PPP1R9A: variants seen among roughly 807,000 people sequenced by gnomAD.
PPP1R9A encodes the protein neurabin-1.
PPP1R9A carries 59 observed loss-of-function variants against 141.9 expected under a neutral mutation model. The ratio of observed to expected loss-of-function variants is 0.42; its 90% CI spans 0.34 to 0.52. The LOEUF (loss-of-function observed/expected upper bound fraction) is 0.52, where lower values mean the gene tolerates loss of function less well. Among genes scored for constraint, PPP1R9A ranks in the 20% least tolerant of loss-of-function variants. The probability of loss-of-function intolerance (pLI) is 0.10; values close to 1 mark genes in which losing one functional copy is unlikely to be tolerated. For missense variants in PPP1R9A, 1,444 were observed against 1,611.9 expected, an observed-to-expected ratio of 0.90 and a Z score of 1.78; for synonymous variants, 500 against 569.7, an observed-to-expected ratio of 0.88 and a Z score of 1.74.
At chr7:94,991,481 T>C (rs1485833641) in intron 2 of PPP1R9A, among the ~76,000 whole-genome samples, 2 of 152,140 alleles carry the variant, frequency 1.3e-5, no homozygotes, top group Non-Finnish European at 2.9e-5. Context: ...ACATGTTATC[T>C]CTTCACTCTG....
At chr7:94,989,754 C>T (rs919602334) in intron 2 of PPP1R9A, among the ~76,000 whole-genome samples, 3 of 152,070 alleles carry the variant, frequency 2.0e-5, no homozygotes, top group African/African-American at 7.2e-5. Flanking sequence ...TTTACTAAAT[C>T]ATGTTTTCTT....
intron 2 of PPP1R9A, among the ~76,000 whole-genome samples, chr7:94,955,813 A>G (rs928493246): frequency 2.6e-5 from 4 of 152,122 alleles, no homozygotes; most frequent in Non-Finnish European, 4.4e-5. Context: ...GTCAGTCTTG[A>G]TAGAGACTTT....
chr7:95,258,556 TAA>T (rs1563514272), intron 12 of PPP1R9A, among the ~76,000 whole-genome samples: 1 of 152,098 alleles, frequency 6.6e-6, no homozygotes, highest in Non-Finnish European at 1.5e-5. Context: ...AAAGACATTA[TAA>T]AGTAAATGGA....
chr7:94,968,937 A>T (rs548949506), intron 2 of PPP1R9A, among the ~76,000 whole-genome samples: 1 of 151,728 alleles, frequency 6.6e-6, no homozygotes, highest in African/African-American at 2.4e-5. Context: ...CGATTCGGCT[A>T]TTGATACTTG....
At chr7:94,999,734 CAAG>C (rs147044315) in intron 2 of PPP1R9A, among the ~76,000 whole-genome samples, 3,937 of 152,006 alleles carry the variant, frequency 0.026, 164 homozygotes, top group African/African-American at 0.09. Flanking sequence ...CTTTTTAGCA[CAAG>C]AAGAATAGCA....
chr7:95,008,943 C>A (rs1286725845), intron 2 of PPP1R9A, among the ~76,000 whole-genome samples: 2 of 152,114 alleles, frequency 1.3e-5, no homozygotes, highest in African/African-American at 2.4e-5. Context: ...AAATGTGGCA[C>A]CTGTACACCA....
At chr7:95,120,665 G>A in intron 3 of PPP1R9A, 47 bp from the exon 4 acceptor site, 2 of 1,599,072 alleles carry the variant, frequency 1.3e-6, no homozygotes, top group African/African-American at 1.3e-5. Flanking sequence ...GCAGACTAGT[G>A]TAAAACTTAA....
At chr7:95,133,513 TTATA>T (rs10570222) in intron 4 of PPP1R9A, among the ~76,000 whole-genome samples, 8,856 of 132,560 alleles carry the variant, frequency 0.067, 412 homozygotes, top group East Asian at 0.23. Context: ...TGCAGTCGTA[TTATA>T]TATATATATA....
At chr7:95,015,920 G>A (rs571999871) in intron 2 of PPP1R9A, among the ~76,000 whole-genome samples, 2 of 152,160 alleles carry the variant, frequency 1.3e-5, no homozygotes, top group African/African-American at 2.4e-5. Flanking sequence ...AGGCATGGTG[G>A]TGTGTGCCTG....
At position 94,910,069 on chromosome 7, in the gene PPP1R9A, T is replaced by C. The variant is rs888340359; in HGVS notation, c.-45T>C. 1 of 1,538,854 alleles carries C rather than the reference T, an allele frequency of 6.5e-7. No individual in the cohort carries two copies. The highest frequency in any genetic ancestry group is 8.7e-7 in the Non-Finnish European group (1 of 1,144,182). On this transcript the variant is annotated 5_prime_UTR_variant, in exon 2 of 20. Transcript: ENST00000433360. This position sits in a 1 kb window ranked among gnomAD's most constrained non-coding sequence, Gnocchi z 4.5. ...AGAGGTATCTTGGTTTTTGGTTTTT[T>C]TCTTTGATCATTATGAACATTGGCT...
At chr7:95,047,922 A>G (rs1810260034) in intron 2 of PPP1R9A, among the ~76,000 whole-genome samples, 1 of 152,194 alleles carries the variant, frequency 6.6e-6, no homozygotes, top group Non-Finnish European at 1.5e-5. Flanking sequence ...TGGTTAATAA[A>G]TCTTTCCTGT....
chr7:95,077,133 C>T (rs1354379969), intron 2 of PPP1R9A, among the ~76,000 whole-genome samples: 1 of 151,816 alleles, frequency 6.6e-6, no homozygotes, highest in African/African-American at 2.4e-5. Context: ...ATTTTCTTTC[C>T]CTCAAATATC....
At chr7:95,263,777 T>A (rs1003985954) in intron 12 of PPP1R9A, among the ~76,000 whole-genome samples, 6 of 152,192 alleles carry the variant, frequency 3.9e-5, no homozygotes, top group Admixed American at 1.3e-4. Context: ...TATTTTGTGT[T>A]AATGTTTTCT....
At chr7:95,114,088 A>G (rs1264000601) in intron 3 of PPP1R9A, among the ~76,000 whole-genome samples, 1 of 152,168 alleles carries the variant, frequency 6.6e-6, no homozygotes, top group Non-Finnish European at 1.5e-5. Flanking sequence ...TTATTTTGGT[A>G]GTAGCAAAAA....
chr7:95,042,055 C>G (rs2188477), intron 2 of PPP1R9A, among the ~76,000 whole-genome samples: 32,540 of 151,974 alleles, frequency 0.21, 4,436 homozygotes, highest in South Asian at 0.43. Flanking sequence ...ATCTCGAGGC[C>G]CTTGGGCAAT....
chr7:95,131,017 G>A (rs1311967216), intron 4 of PPP1R9A, among the ~76,000 whole-genome samples: 1 of 152,156 alleles, frequency 6.6e-6, no homozygotes, highest in African/African-American at 2.4e-5. Context: ...TTAAGACTAT[G>A]GGGGACTGTT....
chr7:95,181,356 A>G (rs1833740600), intron 5 of PPP1R9A, among the ~76,000 whole-genome samples: 1 of 141,024 alleles, frequency 7.1e-6, no homozygotes, highest in South Asian at 2.1e-4. Flanking sequence ...TATAGTATAT[A>G]TAGAATATGT....
At chr7:95,279,844 G>A (rs892021975) in intron 16 of PPP1R9A, among the ~76,000 whole-genome samples, 4 of 152,236 alleles carry the variant, frequency 2.6e-5, no homozygotes, top group African/African-American at 9.6e-5. Context: ...CAATATATCT[G>A]TTATTCTTAA....
At position 94,994,121 on chromosome 7, in the gene PPP1R9A, AT is replaced by A. The variant is rs796347941; in HGVS notation, c.1395+82623del. On this transcript the variant is annotated intron_variant, in intron 2 of 19. Transcript: ENST00000433360. ...CTTAAAGACCCAGGGAAAACTGTGT[AT>A]TTTTTTTTTCATAGGTGCGATGAAC... Among the ~76,000 whole-genome samples, 341 of 150,794 alleles carry A rather than the reference AT, an allele frequency of 2.3e-3. 2 individuals carry two copies. The highest frequency in any genetic ancestry group is 7.6e-3 in the African/African-American group (312 of 41,170).
Sources: allele counts gnomAD v4.1 joint callset (sites outside exome capture counted in the v4.1 genomes callset), GRCh38; gene constraint gnomAD v4.1.1; non-coding constraint Gnocchi (gnomAD v3.1); transcripts MANE v1.5; gene names NCBI Gene and HGNC (gene_info 2026-07-23, HGNC 2026-07-21).